The following OR2L13 variants were observed in gnomAD, a reference collection of about 807,000 sequenced individuals.
OR2L13 encodes the protein olfactory receptor family 2 subfamily L member 13.
A neutral mutation model predicts 15.3 loss-of-function variants in OR2L13; 14 were observed. That is an observed-to-expected ratio of 0.91 (90% CI 0.60 to 1.43). OR2L13 has a LOEUF of 1.43. OR2L13 is among the 40% of genes most tolerant of loss of function. The pLI, the probability that OR2L13 is intolerant of heterozygous loss-of-function variation, is 0.00. For missense variants in OR2L13, 367 were observed against 387.9 expected (o/e 0.95, Z 0.45); for synonymous variants, 152 against 142.9 (o/e 1.06, Z -0.45).
chr1:248,073,532 T>C, the OR2L13 span, among the ~76,000 whole-genome samples: 2 of 152,058 alleles, frequency 1.3e-5, no homozygotes, highest in African/African-American at 4.8e-5. Context: ...TGCTAAATTA[T>C]GAGTTAATGG....
the OR2L13 span, among the ~76,000 whole-genome samples, chr1:247,970,027 T>C: frequency 6.6e-6 from 1 of 152,220 alleles, no homozygotes; most frequent in Non-Finnish European, 1.5e-5. Context: ...TGAATGCTTA[T>C]GTTTTGGTCA....
At chr1:248,093,374 C>T (rs181452583), upstream of OR2L13, among the ~76,000 whole-genome samples, 2 of 152,244 alleles carry the variant, frequency 1.3e-5, no homozygotes, top group East Asian at 1.9e-4. Context: ...CCTCAAGTCA[C>T]GTTTCATTGC....
At chr1:247,996,700 G>C in the OR2L13 span, among the ~76,000 whole-genome samples, 3 of 152,040 alleles carry the variant, frequency 2.0e-5, no homozygotes, top group African/African-American at 7.2e-5. Flanking sequence ...AAATTCCCTT[G>C]AAGTCTGTCT....
At chr1:247,994,659 A>G in the OR2L13 span, among the ~76,000 whole-genome samples, 2 of 152,200 alleles carry the variant, frequency 1.3e-5, no homozygotes, top group African/African-American at 4.8e-5. Context: ...GAAGTTATGT[A>G]GGATGAGTAA....
At chr1:247,992,017 A>G in the OR2L13 span, among the ~76,000 whole-genome samples, 2 of 149,146 alleles carry the variant, frequency 1.3e-5, no homozygotes, top group African/African-American at 2.5e-5. Context: ...TCCTTGAACA[A>G]CATAGATCTG....
chr1:247,949,839 A>G, the OR2L13 span: 16 of 1,466,352 alleles, frequency 1.1e-5, no homozygotes, highest in East Asian at 2.3e-5. Flanking sequence ...ATACACATCC[A>G]TTCAGCAGTG....
At chr1:248,072,698 A>G in the OR2L13 span, among the ~76,000 whole-genome samples, 13 of 152,156 alleles carry the variant, frequency 8.5e-5, no homozygotes, top group South Asian at 2.1e-4. Context: ...GCAACCTACA[A>G]AATGGGATAA....
the OR2L13 span, chr1:247,948,972 A>C: frequency 6.2e-7 from 1 of 1,613,864 alleles, no homozygotes; most frequent in Middle Eastern, 1.7e-4. Context: ...GATGGCTCTA[A>C]TTGGAAACCT....
At chr1:248,082,406 A>C in the OR2L13 span, among the ~76,000 whole-genome samples, 18 of 144,432 alleles carry the variant, frequency 1.2e-4, no homozygotes, top group Non-Finnish European at 2.0e-4. Context: ...CTAGATGACG[A>C]GTTAGTGGGT....
chr1:248,037,801 A>T, the OR2L13 span, among the ~76,000 whole-genome samples: 1 of 152,180 alleles, frequency 6.6e-6, no homozygotes, highest in African/African-American at 2.4e-5. Flanking sequence ...TTGCATGGAA[A>T]AGTCCACAAA....
chr1:248,075,254 T>G, the OR2L13 span, among the ~76,000 whole-genome samples: 1 of 152,252 alleles, frequency 6.6e-6, no homozygotes, highest in Non-Finnish European at 1.5e-5. Context: ...TGCCACATTT[T>G]CTTAATGCAG....
chr1:247,967,115 G>T, the OR2L13 span, among the ~76,000 whole-genome samples: 1,093 of 151,280 alleles, frequency 7.2e-3, 17 homozygotes, highest in African/African-American at 0.024. Flanking sequence ...GTTCCTTTAA[G>T]GGGGATTACA....
At chr1:248,027,546 C>T in the OR2L13 span, among the ~76,000 whole-genome samples, 1 of 152,094 alleles carries the variant, frequency 6.6e-6, no homozygotes, top group Admixed American at 6.5e-5. Context: ...TGTGATGTCT[C>T]CCCCGGACAC....
At chr1:247,940,880 T>A in the OR2L13 span, among the ~76,000 whole-genome samples, 3 of 152,136 alleles carry the variant, frequency 2.0e-5, no homozygotes, top group African/African-American at 7.2e-5. Flanking sequence ...ATATAAGAAT[T>A]CCCTTTTCTC....
chr1:248,038,728 A>C, the OR2L13 span: 1 of 1,613,798 alleles, frequency 6.2e-7, no homozygotes, highest in Non-Finnish European at 8.5e-7. Flanking sequence ...AGCTCTATCA[A>C]CTCTTGTGCT....
chr1:247,986,451 G>A, the OR2L13 span, among the ~76,000 whole-genome samples: 1 of 152,118 alleles, frequency 6.6e-6, no homozygotes, highest in African/African-American at 2.4e-5. Flanking sequence ...TGTGGGCTCT[G>A]TTCTGTTCCA....
chr1:248,071,983 CA>C, the OR2L13 span, among the ~76,000 whole-genome samples: 1 of 151,394 alleles, frequency 6.6e-6, no homozygotes, highest in Non-Finnish European at 1.5e-5. Flanking sequence ...AAAGAGGATA[CA>C]AAGAAATGGA....
the OR2L13 span, among the ~76,000 whole-genome samples, chr1:247,945,962 G>T: frequency 1.3e-5 from 2 of 152,096 alleles, no homozygotes; most frequent in Non-Finnish European, 2.9e-5. Context: ...CATCTTAACC[G>T]TATTAGCCTT....
the OR2L13 span, among the ~76,000 whole-genome samples, chr1:247,945,724 G>T: frequency 9.3e-3 from 1,412 of 152,270 alleles, 17 homozygotes; most frequent in Non-Finnish European, 0.015. Context: ...TCTTCCTGTT[G>T]AATTGAATTC....
Sources: gnomAD v4.1 joint callset for allele counts (sites outside exome capture counted in the v4.1 genomes callset) on GRCh38, gnomAD v4.1.1 for gene constraint, MANE v1.5 for transcripts, NCBI Gene and HGNC (gene_info 2026-07-23, HGNC 2026-07-21) for gene names.